The following PPP1R9A variants were observed in gnomAD, a reference collection of about 807,000 sequenced individuals.
The protein encoded by PPP1R9A is protein phosphatase 1 regulatory subunit 9A.
Under a neutral mutation model 141.9 loss-of-function variants are expected in PPP1R9A, and 59 were observed. That is an observed-to-expected ratio of 0.42 (90% confidence interval 0.34 to 0.52). The LOEUF is 0.52. PPP1R9A is among the 20% of genes least tolerant of loss of function. PPP1R9A has a pLI of 0.10. For missense variants in PPP1R9A, 1,444 were observed against 1,611.9 expected, an observed-to-expected ratio of 0.90 and a Z score of 1.78; for synonymous variants, 500 against 569.7, an observed-to-expected ratio of 0.88 and a Z score of 1.74.
intron 5 of PPP1R9A, among the ~76,000 whole-genome samples, chr7:95,187,477 A>AT (rs552722085): frequency 4.0e-5 from 6 of 151,722 alleles, no homozygotes; most frequent in Non-Finnish European, 7.4e-5. Flanking sequence ...TATTTCATTG[A>AT]TTTTTTGTAT....
intron 2 of PPP1R9A, among the ~76,000 whole-genome samples, chr7:94,931,474 G>A (rs1282269197): frequency 6.6e-6 from 1 of 152,162 alleles, no homozygotes; most frequent in Admixed American, 6.5e-5. Context: ...AGAACTTACA[G>A]TGTATATTTA....
At chr7:94,907,970 G>A (rs1790952316) in intron 1 of PPP1R9A, 1 of 148,298 alleles carries the variant, frequency 6.7e-6, no homozygotes, top group Admixed American at 6.7e-5. Flanking sequence ...GAGTGGAAGC[G>A]GCCGCCGCAG....
intron 5 of PPP1R9A, among the ~76,000 whole-genome samples, chr7:95,185,119 C>T (rs1432647730): frequency 6.6e-6 from 1 of 150,810 alleles, no homozygotes; most frequent in Non-Finnish European, 1.5e-5. Flanking sequence ...TACTGTTTTC[C>T]ATTGTGGTTA....
intron 4 of PPP1R9A, among the ~76,000 whole-genome samples, chr7:95,139,836 A>AT (rs1158687215): frequency 6.6e-6 from 1 of 151,720 alleles, no homozygotes; most frequent in Non-Finnish European, 1.5e-5. Flanking sequence ...AGAAAAAAAA[A>AT]ACCCTGAAGC....
At chr7:95,110,177 C>T (rs909334735) in intron 2 of PPP1R9A, among the ~76,000 whole-genome samples, 1 of 152,034 alleles carries the variant, frequency 6.6e-6, no homozygotes, top group Non-Finnish European at 1.5e-5. Context: ...TTATAGGTTA[C>T]CATATATAGA....
At chr7:95,100,389 T>C (rs1280554439) in intron 2 of PPP1R9A, among the ~76,000 whole-genome samples, 1 of 152,164 alleles carries the variant, frequency 6.6e-6, no homozygotes, top group Non-Finnish European at 1.5e-5. Flanking sequence ...TGAATATGAA[T>C]ATGTTGGGGA....
chr7:95,180,364 T>G (rs111527802), intron 5 of PPP1R9A, among the ~76,000 whole-genome samples: 2 of 152,284 alleles, frequency 1.3e-5, no homozygotes, highest in African/African-American at 4.8e-5. Context: ...TCTCACCTTA[T>G]ATAAAAATCA....
intron 8 of PPP1R9A, among the ~76,000 whole-genome samples, chr7:95,232,231 A>G (rs936433346): frequency 1.3e-5 from 2 of 152,172 alleles, no homozygotes; most frequent in African/African-American, 4.8e-5. Context: ...GCAGGCAGAG[A>G]GATTGAAATG....
intron 16 of PPP1R9A, among the ~76,000 whole-genome samples, chr7:95,280,600 G>A (rs1276379941): frequency 6.6e-6 from 1 of 152,142 alleles, no homozygotes; most frequent in African/African-American, 2.4e-5. Context: ...CGAATTTGAA[G>A]CCATTCTTTC....
intron 2 of PPP1R9A, among the ~76,000 whole-genome samples, chr7:95,027,952 G>T (rs1807123118): frequency 6.6e-6 from 1 of 151,900 alleles, no homozygotes; most frequent in African/African-American, 2.4e-5. Flanking sequence ...GTTTTTTTGT[G>T]CTGTGGCTTC....
chr7:94,969,990 C>T (rs960923953), intron 2 of PPP1R9A, among the ~76,000 whole-genome samples: 7 of 152,076 alleles, frequency 4.6e-5, no homozygotes, highest in African/African-American at 1.7e-4. Flanking sequence ...TGGTCGACAC[C>T]CCTGCCCCCA....
In PPP1R9A at chr7:95,055,550, A is replaced by G. The variant is rs1811392150; in HGVS notation, c.1396-55709A>G. The stretch of plus-strand genomic sequence containing the variant: ...TTGTTTTCTCTTCTCCATCGAGCTC[A>G]CCAAAGACAGGTTAATCTTCTTTAA... On this transcript the variant is annotated intron_variant, in intron 2 of 19. Transcript: ENST00000433360. Among the ~76,000 whole-genome samples, 3 of 152,162 alleles carry G rather than the reference A, an allele frequency of 2.0e-5. No individual in the cohort carries two copies. In the South Asian group the frequency reaches 6.2e-4, roughly 32 times the overall value.
chr7:95,080,616 G>C (rs894473566), intron 2 of PPP1R9A, among the ~76,000 whole-genome samples: 3 of 152,270 alleles, frequency 2.0e-5, no homozygotes, highest in African/African-American at 4.8e-5. Flanking sequence ...AACCAAAAAA[G>C]AGCCCGCATC....
At chr7:94,913,124 A>G (rs1252195179) in intron 2 of PPP1R9A, among the ~76,000 whole-genome samples, 1 of 152,230 alleles carries the variant, frequency 6.6e-6, no homozygotes, top group Non-Finnish European at 1.5e-5. Context: ...ACTTTTTAAT[A>G]CAAGGGATAG....
At chr7:95,163,715 G>GT (rs1421423880) in intron 5 of PPP1R9A, among the ~76,000 whole-genome samples, 8 of 151,308 alleles carry the variant, frequency 5.3e-5, no homozygotes, top group African/African-American at 2.0e-4. Flanking sequence ...CATGTGCAGG[G>GT]GTTTTTTTTG....
chr7:95,001,356 T>G (rs1481362343), intron 2 of PPP1R9A, among the ~76,000 whole-genome samples: 1 of 152,206 alleles, frequency 6.6e-6, no homozygotes, highest in Non-Finnish European at 1.5e-5. Flanking sequence ...AGTTGAAGCT[T>G]TTCAATGGTG....
At chr7:95,269,143 G>A (rs1174739998) in intron 13 of PPP1R9A, 64 bp from the exon 14 acceptor site, 25 of 1,413,422 alleles carry the variant, frequency 1.8e-5, no homozygotes, top group Non-Finnish European at 2.2e-5. Context: ...TTATTTCAAA[G>A]TAAGTATTGC....
chr7:95,133,074 C>T (rs993032056), intron 4 of PPP1R9A, among the ~76,000 whole-genome samples: 16 of 152,044 alleles, frequency 1.1e-4, no homozygotes, highest in African/African-American at 2.2e-4. Flanking sequence ...TTATATTGAG[C>T]GACAGAAGGA....
intron 2 of PPP1R9A, among the ~76,000 whole-genome samples, chr7:94,937,036 C>T (rs1794845801): frequency 6.6e-6 from 1 of 152,072 alleles, no homozygotes; most frequent in Admixed American, 6.6e-5. Flanking sequence ...CATGTATTAG[C>T]ATTTTTAATA....
Sources: gnomAD v4.1 joint callset for allele counts (sites outside exome capture counted in the v4.1 genomes callset) on GRCh38, gnomAD v4.1.1 for gene constraint, MANE v1.5 for transcripts, NCBI Gene and HGNC (gene_info 2026-07-23, HGNC 2026-07-21) for gene names.